PEG3: variants seen among roughly 807,000 people sequenced by gnomAD.
PEG3 encodes paternally-expressed gene 3 protein.
PEG3 carries 23 observed loss-of-function variants against 35.5 expected under a neutral mutation model. The ratio of observed to expected loss-of-function variants is 0.65; its 90% confidence interval spans 0.47 to 0.92. The LOEUF (loss-of-function observed/expected upper bound fraction) is 0.92. PEG3 is among the 40% of genes least tolerant of loss of function. The pLI is 0.00. For missense variants in PEG3, 1,960 were observed against 1,985.3 expected (o/e 0.99, Z 0.24); for synonymous variants, 707 against 697.0 (o/e 1.01, Z -0.23).
chr19:56,824,415 T>C lies in PEG3; in HGVS notation c.241A>G (p.Thr81Ala). Reference sequence around the variant, plus strand: ...AAGAGCTCGATGATCTCCTCCTTGGTGCGGGTCTCCGGCTGCAACCAATCG... The same window carrying C: ...AAGAGCTCGATGATCTCCTCCTTGGCGCGGGTCTCCGGCTGCAACCAATCG... ...CLDWLQPETR[T>A]KEEIIELLVL... Residue 81 changes from threonine (T) to alanine (A), a missense_variant, in exon 4 of 10, where the codon ACC (threonine) becomes GCC (alanine). Around this residue, in one of 5 missense-constraint regions of PEG3, gnomAD observed 613 missense variants for 577.1 expected, o/e 1.06. Transcript: ENST00000326441. 1.9e-6 allele frequency: 3 copies of C among 1,614,130 alleles called. No homozygotes were observed. The South Asian group carries it at 3.3e-5, about 18-fold the overall frequency.
At position 56,821,501 on chromosome 19, in the gene PEG3, A is replaced by G. The variant is rs554743261; in HGVS notation, c.669+150T>C. 29 of 900,778 alleles carry G rather than the reference A, an allele frequency of 3.2e-5. No homozygotes were observed. In the African/African-American group the frequency reaches 4.7e-4, roughly 15 times the overall value. The allele number at this position is 900,778 out of a possible 1,614,324, so 55.8% of individuals were successfully genotyped here. A position where few individuals can be genotyped will look rare whatever the true frequency, so the allele number is the denominator to read the frequency against. Reference sequence around the variant, plus strand: ...AGCAACCTGGGCTACTTGTCACCTAAGGGATGGGCCCGGGCTCCTCCTGGA... The same window carrying G: ...AGCAACCTGGGCTACTTGTCACCTAGGGGATGGGCCCGGGCTCCTCCTGGA... On this transcript the variant is annotated intron_variant, in intron 7 of 9. Coordinates refer to ENST00000326441, the MANE Select transcript of PEG3 (RefSeq NM_006210.3).
At chr19:56,836,969 CAAAAAAAAAAAAA>C (rs573566620) in intron 1 of PEG3, among the ~76,000 whole-genome samples, 10 of 116,990 alleles carry the variant, frequency 8.5e-5, no homozygotes, top group African/African-American at 3.6e-4. Context: ...GACTCTGTCT[CAAAAAAAAAAAAA>C]AAAAAAAAAA....
chr19:56,824,916 C>A (rs1487988396), intron 3 of PEG3, 175 bp from the exon 4 acceptor site: 4 of 419,246 alleles, frequency 9.5e-6, no homozygotes, highest in African/African-American at 2.0e-5. Context: ...GACCTCTGGG[C>A]TTCACAGAGA....
At chr19:56,833,379 G>A in intron 2 of PEG3, 1 of 352,136 alleles carries the variant, frequency 2.8e-6, no homozygotes, top group South Asian at 2.1e-5. Context: ...GTGGTGTGTG[G>A]TCTCGTCTCT....
chr19:56,822,842 C>T lies in PEG3; in HGVS notation c.482-6G>A. The T allele has an allele frequency of 2.5e-6, 4 of 1,612,508 alleles. No homozygotes were observed. The highest frequency in any genetic ancestry group is 3.4e-6 in the Non-Finnish European group (4 of 1,179,328). ...CCGGTCCCAGTCCCGGTCACCTAAGCAGGTGAGACATTCCAGTGGTTAACA... is the reference window on the plus strand; with the variant it reads ...CCGGTCCCAGTCCCGGTCACCTAAGTAGGTGAGACATTCCAGTGGTTAACA... On this transcript the variant is annotated splice_region_variant and splice_polypyrimidine_tract_variant and intron_variant, in intron 5 of 9. Transcript: ENST00000326441.
At chr19:56,819,014 G>GT (rs1395401443) in intron 7 of PEG3, among the ~76,000 whole-genome samples, 4 of 152,204 alleles carry the variant, frequency 2.6e-5, no homozygotes, top group Non-Finnish European at 5.9e-5. Flanking sequence ...GGTACAGATA[G>GT]TAAGTGCTAA....
chr19:56,822,116 T>TC (rs1174735924), intron 6 of PEG3, among the ~76,000 whole-genome samples: 5 of 152,128 alleles, frequency 3.3e-5, no homozygotes, highest in African/African-American at 1.2e-4. Flanking sequence ...TCAGAGACCG[T>TC]CCCACAGGGT....
rs768543949 is a variant in PEG3, at chr19:56,823,633, G to A, written c.441C>T (p.Asn147=). The A allele has an allele frequency of 9.9e-6, 16 of 1,614,150 alleles. No homozygotes were observed. In the South Asian group the frequency reaches 1.8e-4, roughly 18 times the overall value. The change falls in exon 5 of 10, where the codon AAC becomes AAT. Residue 147 remains asparagine, a synonymous_variant. Transcript: ENST00000326441. ...DVTSDDDMTR[N]RRESSPPHSV... ...AGTGAGGTGGTGAGGACTCTCTTCT[G>A]TTCCGGGTCATGTCGTCGTCGCTGG...
chr19:56,838,560 T>G (rs1440971418), intron 1 of PEG3, among the ~76,000 whole-genome samples: 1 of 152,170 alleles, frequency 6.6e-6, no homozygotes, highest in Non-Finnish European at 1.5e-5. Context: ...CATCCTGTGG[T>G]GAACAAAGTC....
At position 56,810,964 on chromosome 19, in the gene PEG3, C is replaced by A; in HGVS notation, c.*2711G>T. On this transcript the variant is annotated 3_prime_UTR_variant, in exon 10 of 10. Coordinates refer to ENST00000326441, the MANE Select transcript of PEG3 (RefSeq NM_006210.3). ...AAAAAATTAAAGTGAAAGTATTTAA[C>A]CATAATTCCACAAAGGTAATGTAAC... is the stretch of plus-strand genomic sequence containing the variant. The A allele has an allele frequency of 4.1e-6, 4 of 970,820 alleles. No homozygotes were observed. Among genetic ancestry groups the A allele is most frequent in the Non-Finnish European group, 4.9e-6 (4 of 816,628 alleles). The allele number at this position is 970,820 out of a possible 1,614,324, so 60.1% of individuals were successfully genotyped here.
At position 56,822,853 on chromosome 19, in the gene PEG3, T is replaced by G. The variant is rs1220622337; in HGVS notation, c.482-17A>C. Reference sequence around the variant, plus strand: ...CCCGGTCACCTAAGCAGGTGAGACATTCCAGTGGTTAACAAAGCTCTTTGA... The same window carrying G: ...CCCGGTCACCTAAGCAGGTGAGACAGTCCAGTGGTTAACAAAGCTCTTTGA... On this transcript the variant is annotated splice_polypyrimidine_tract_variant and intron_variant, in intron 5 of 9. Coordinates refer to ENST00000326441, the MANE Select transcript of PEG3 (RefSeq NM_006210.3). 1 of 1,610,522 alleles carries G rather than the reference T, an allele frequency of 6.2e-7. No homozygotes were observed. Among genetic ancestry groups the G allele is most frequent in the Non-Finnish European group, 8.5e-7 (1 of 1,178,396 alleles).
Position 56,811,596 on chromosome 19 carries a change from C to T in PEG3, c.*2079G>A. ...CAGCAAGTTGCTTTCTGAAAAGGGG[C>T]TACCACTGCCAACAATGTTAACACC... is the stretch of plus-strand genomic sequence containing the variant. On this transcript the variant is annotated 3_prime_UTR_variant, in exon 10 of 10. Coordinates refer to ENST00000326441, the MANE Select transcript of PEG3 (RefSeq NM_006210.3). 1 of 985,304 alleles carries T rather than the reference C, an allele frequency of 1.0e-6. No individual in the cohort carries two copies. The highest frequency in any genetic ancestry group is 1.2e-6 in the Non-Finnish European group (1 of 829,860). 61.0% of individuals were successfully genotyped at this position (985,304 alleles called of 1,614,324 possible). A position where few individuals can be genotyped will look rare whatever the true frequency, so the allele number is the denominator to read the frequency against.
At chr19:56,817,955 C>T in intron 8 of PEG3, 120 bp from the exon 9 acceptor site, 2 of 719,256 alleles carry the variant, frequency 2.8e-6, no homozygotes, top group East Asian at 2.7e-5. Flanking sequence ...ACATCTGATT[C>T]CTTGGATGTC....
Position 56,836,000 on chromosome 19 carries a change from G to A in PEG3, c.-163+18C>T, listed in dbSNP as rs558389691. ...TCCAAAGATGAATGTGGCACTGTGAGGAGGAAATTCAACTCACCTGGACCC... is the reference window on the plus strand; with the variant it reads ...TCCAAAGATGAATGTGGCACTGTGAAGAGGAAATTCAACTCACCTGGACCC... On this transcript the variant is annotated intron_variant, in intron 2 of 9. Coordinates refer to ENST00000326441, the MANE Select transcript of PEG3 (RefSeq NM_006210.3). 27 of 509,872 alleles carry A rather than the reference G, an allele frequency of 5.3e-5. No homozygotes were observed. Among genetic ancestry groups the A allele is most frequent in the Non-Finnish European group, 8.2e-5 (21 of 255,700 alleles). The allele number at this position is 509,872 out of a possible 1,614,324, so 31.6% of individuals were successfully genotyped here. A position where few individuals can be genotyped will look rare whatever the true frequency, so the allele number is the denominator to read the frequency against.
At chr19:56,828,020 T>C (rs893670504) in intron 2 of PEG3, among the ~76,000 whole-genome samples, 3 of 152,158 alleles carry the variant, frequency 2.0e-5, no homozygotes, top group Non-Finnish European at 2.9e-5. Flanking sequence ...TATTTTACCA[T>C]GAGCATGTAT....
intron 3 of PEG3, among the ~76,000 whole-genome samples, chr19:56,826,002 A>G (rs994785196): frequency 6.6e-6 from 1 of 152,134 alleles, no homozygotes; most frequent in Non-Finnish European, 1.5e-5. Context: ...TTATCATCCC[A>G]TGGAGCTTGG....
At position 56,810,642 on chromosome 19, in the gene PEG3, G is replaced by A. The variant is rs772447008; in HGVS notation, c.*3033C>T. 9.6e-4 allele frequency: 906 copies of A among 944,894 alleles called. No individual in the cohort carries two copies. Among genetic ancestry groups the A allele is most frequent in the Non-Finnish European group, 1.1e-3 (882 of 793,272 alleles). 58.5% of individuals were successfully genotyped at this position (944,894 alleles called of 1,614,324 possible). The stretch of plus-strand genomic sequence containing the variant: ...ACCAAAGATTATTTAAGGAATTTGA[G>A]ACAAAATATTTAACCAAATTCCCAC... On this transcript the variant is annotated 3_prime_UTR_variant, in exon 10 of 10. Transcript: ENST00000326441.
chr19:56,823,575 G>A lies in PEG3; in HGVS notation c.481+18C>T. The A allele has an allele frequency of 6.2e-7, 1 of 1,614,058 alleles. No individual in the cohort carries two copies. Among genetic ancestry groups the A allele is most frequent in the South Asian group, 1.1e-5 (1 of 91,074 alleles). On this transcript the variant is annotated intron_variant, in intron 5 of 9. Coordinates refer to ENST00000326441, the MANE Select transcript of PEG3 (RefSeq NM_006210.3). ...AGCGCCTGCCCATGGGTGACCAGTG[G>A]GGATGGGTACTCACCACTGAAAGAA...
Position 56,814,121 on chromosome 19 carries a change from C to G in PEG3, c.4321G>C (p.Gly1441Arg), listed in dbSNP as rs765951818. 1 of 1,614,186 alleles carries G rather than the reference C, an allele frequency of 6.2e-7. No homozygotes were observed. The highest frequency in any genetic ancestry group is 1.7e-5 in the Admixed American group (1 of 60,028). ...TCCCCATTTGGCTGCTCGGCCTCTC[C>G]ATTTGGCTGTCCAGCCTCTCCAATG... ...EPIGEAGQPNGEAEQPNGDAD... is the reference protein window; with the variant it reads ...EPIGEAGQPNREAEQPNGDAD... The change falls in exon 10 of 10, where the codon GGA (glycine) becomes CGA (arginine). Residue 1441 changes from glycine to arginine, a missense_variant. Gly to Arg is a moderately radical substitution (Grantham distance 125). Around this residue, in one of 5 missense-constraint regions of PEG3, gnomAD observed 416 missense variants for 416.7 expected, o/e 1.00. Coordinates refer to ENST00000326441, the MANE Select transcript of PEG3 (RefSeq NM_006210.3). The surrounding 1 kb of genome is among the most constrained non-coding windows in gnomAD (Gnocchi z 5.8).
Sources: allele counts gnomAD v4.1 joint callset (sites outside exome capture counted in the v4.1 genomes callset), GRCh38; gene constraint gnomAD v4.1.1; regional missense constraint gnomAD v4.1.1; non-coding constraint Gnocchi (gnomAD v3.1); transcripts MANE v1.5; gene names NCBI Gene and HGNC (gene_info 2026-07-23, HGNC 2026-07-21).